The following ADAMTS3 variants were observed in gnomAD, a reference collection of about 807,000 sequenced individuals.
ADAMTS3 encodes ADAM metallopeptidase with thrombospondin type 1 motif 3, also known as A disintegrin and metalloproteinase with thrombospondin motifs 3.
In ADAMTS3, 73 loss-of-function variants were observed where a neutral mutation model predicts 129.0. The ratio of observed to expected loss-of-function variants is 0.57; its 90% CI spans 0.47 to 0.69. The LOEUF is 0.69. Ranked by LOEUF, ADAMTS3 falls within the 30% of genes least tolerant of loss-of-function variation. The pLI is 0.00. For missense variants in ADAMTS3, 1,457 were observed against 1,514.5 expected (o/e 0.96, Z 0.63); for synonymous variants, 477 against 510.8 (o/e 0.93, Z 0.89).
intron 3 of ADAMTS3, among the ~76,000 whole-genome samples, chr4:72,523,913 C>T (rs1437065988): frequency 6.6e-6 from 1 of 152,012 alleles, no homozygotes; most frequent in Non-Finnish European, 1.5e-5. Flanking sequence ...GAATTTGACC[C>T]TATTGGGGAA....
chr4:72,552,143 C>T (rs1355740082), intron 2 of ADAMTS3, among the ~76,000 whole-genome samples: 3 of 152,194 alleles, frequency 2.0e-5, no homozygotes, highest in Non-Finnish European at 4.4e-5. Context: ...ACAGGCCCAA[C>T]TACTTTCACA....
intron 5 of ADAMTS3, among the ~76,000 whole-genome samples, chr4:72,337,868 T>C (rs918442968): frequency 6.6e-6 from 1 of 152,120 alleles, no homozygotes; most frequent in Admixed American, 6.5e-5. Context: ...CAAGACCATA[T>C]CAAAATCTCT....
Position 72,548,476 on chromosome 4 carries a change from A to T in ADAMTS3, c.504+2T>A. ...ATACGCACAAAACAGAAGGAGTCTT[A>T]CCAGACCATCACAGTTGCTGATGGC... On this transcript the variant is annotated splice_donor_variant, in intron 3 of 21. Coordinates refer to ENST00000286657, the MANE Select transcript of ADAMTS3 (RefSeq NM_014243.3). LOFTEE classifies it high-confidence loss of function. The T allele has an allele frequency of 6.2e-7, 1 of 1,613,098 alleles. No homozygotes were observed. Among genetic ancestry groups the T allele is most frequent in the Non-Finnish European group, 8.5e-7 (1 of 1,179,328 alleles).
intron 4 of ADAMTS3, among the ~76,000 whole-genome samples, chr4:72,398,250 A>C (rs6814061): frequency 6.6e-6 from 1 of 152,212 alleles, no homozygotes; most frequent in Non-Finnish European, 1.5e-5. Context: ...AAATGTGGTA[A>C]CAATGTTGAT....
chr4:72,467,564 G>C (rs1003214856), intron 3 of ADAMTS3, among the ~76,000 whole-genome samples: 1 of 151,832 alleles, frequency 6.6e-6, no homozygotes, highest in African/African-American at 2.4e-5. Flanking sequence ...CAATTTAAAA[G>C]TCTACTGTCC....
intron 4 of ADAMTS3, among the ~76,000 whole-genome samples, chr4:72,373,097 A>G (rs769762150): frequency 2.6e-5 from 4 of 152,210 alleles, no homozygotes; most frequent in Non-Finnish European, 5.9e-5. Context: ...CTAGAAAGGT[A>G]ATTTTAAAAA....
chr4:72,514,697 C>T (rs1720409957), intron 3 of ADAMTS3, among the ~76,000 whole-genome samples: 1 of 151,960 alleles, frequency 6.6e-6, no homozygotes, highest in Non-Finnish European at 1.5e-5. Flanking sequence ...ATATCCTCAC[C>T]AAAACATTTA....
chr4:72,437,531 TATCACAGTTC>T (rs1286845565), intron 3 of ADAMTS3, among the ~76,000 whole-genome samples: 1 of 151,792 alleles, frequency 6.6e-6, no homozygotes, highest in African/African-American at 2.4e-5. Context: ...GTCCTATTTC[TATCACAGTTC>T]ATCACTCTCA....
chr4:72,384,123 GA>G (rs1721374380), intron 4 of ADAMTS3, among the ~76,000 whole-genome samples: 1 of 151,926 alleles, frequency 6.6e-6, no homozygotes, highest in Non-Finnish European at 1.5e-5. Context: ...CCAAAAAGAA[GA>G]AAGAGAAAAC....
At chr4:72,301,575 A>T (rs1718950936) in intron 17 of ADAMTS3, among the ~76,000 whole-genome samples, 1 of 152,216 alleles carries the variant, frequency 6.6e-6, no homozygotes, top group African/African-American at 2.4e-5. Flanking sequence ...CCAATAAATA[A>T]AAATTCTGTA....
At chr4:72,423,151 CT>C (rs930979525) in intron 3 of ADAMTS3, among the ~76,000 whole-genome samples, 15 of 152,108 alleles carry the variant, frequency 9.9e-5, no homozygotes, top group Admixed American at 8.5e-4. Flanking sequence ...AGATGGGTAG[CT>C]TTTTTTGGTG....
At chr4:72,506,571 T>C (rs921102462) in intron 3 of ADAMTS3, among the ~76,000 whole-genome samples, 1 of 152,212 alleles carries the variant, frequency 6.6e-6, no homozygotes, top group African/African-American at 2.4e-5. Context: ...AGGTTAAAAA[T>C]TGTGTGCTGT....
At chr4:72,322,653 A>G (rs780833120) in intron 6 of ADAMTS3, among the ~76,000 whole-genome samples, 19 of 152,172 alleles carry the variant, frequency 1.2e-4, no homozygotes, top group Non-Finnish European at 2.4e-4. Context: ...CATTCAATAT[A>G]ATCCCTTCTA....
At chr4:72,470,395 A>ACG (rs1719040407) in intron 3 of ADAMTS3, among the ~76,000 whole-genome samples, 5 of 149,582 alleles carry the variant, frequency 3.3e-5, no homozygotes, top group Non-Finnish European at 5.9e-5. Context: ...ACACACACAC[A>ACG]CACACACACA....
intron 15 of ADAMTS3, among the ~76,000 whole-genome samples, chr4:72,306,946 T>C (rs758408139): frequency 6.6e-6 from 1 of 152,058 alleles, no homozygotes; most frequent in Non-Finnish European, 1.5e-5. Flanking sequence ...ATAAATATTA[T>C]GACCTGACAA....
intron 6 of ADAMTS3, among the ~76,000 whole-genome samples, chr4:72,322,064 T>C (rs1382132645): frequency 1.3e-5 from 2 of 152,184 alleles, no homozygotes; most frequent in Non-Finnish European, 2.9e-5. Context: ...AGTGTTTACA[T>C]TCTTAATAAA....
chr4:72,474,007 A>G (rs1719154114), intron 3 of ADAMTS3, among the ~76,000 whole-genome samples: 1 of 152,184 alleles, frequency 6.6e-6, no homozygotes, highest in African/African-American at 2.4e-5. Flanking sequence ...ATAGAAGCCA[A>G]ATGAGGAACA....
intron 4 of ADAMTS3, among the ~76,000 whole-genome samples, chr4:72,387,400 T>C (rs569492379): frequency 2.2e-4 from 34 of 152,352 alleles, no homozygotes; most frequent in South Asian, 1.2e-3. Context: ...CAATCAACTA[T>C]GCTAGCTGTC....
chr4:72,473,803 T>A (rs1719148583), intron 3 of ADAMTS3, among the ~76,000 whole-genome samples: 1 of 152,054 alleles, frequency 6.6e-6, no homozygotes, highest in Admixed American at 6.6e-5. Context: ...CAGTAATGAG[T>A]CACTCTTTCC....
Sources: gnomAD v4.1 joint callset for allele counts (sites outside exome capture counted in the v4.1 genomes callset) on GRCh38, gnomAD v4.1.1 for gene constraint, MANE v1.5 for transcripts, NCBI Gene and HGNC (gene_info 2026-07-23, HGNC 2026-07-21) for gene names.